The following GSN variants were observed in gnomAD, a reference collection of about 807,000 sequenced individuals.
The protein encoded by GSN is gelsolin.
In GSN, 56 loss-of-function variants were observed where a neutral mutation model predicts 85.7. The observed-to-expected ratio is 0.65, with a 90% CI of 0.53 to 0.82. GSN has a LOEUF of 0.82. GSN is among the 40% of genes least tolerant of loss of function. GSN has a pLI of 0.00. For synonymous variants in GSN, 373 were observed against 399.1 expected (o/e 0.93, Z 0.78); for missense variants, 857 against 979.8 (o/e 0.87, Z 1.67).
Position 121,324,641 on chromosome 9 carries a change from C to G in GSN, c.1413C>G (p.Val471=). The change falls in exon 12 of 18, where the codon GTC becomes GTG. Residue 471 remains valine, a synonymous_variant. Coordinates refer to ENST00000432226, the MANE Select transcript of GSN (RefSeq NM_198252.3). ...ATGAGGAGCTGGGAGGTACCCCTGT[C>G]CAGGTGAGCCCAGCCCACCGCCTCT... ...QLDEELGGTP[V]QSRVVQGKEP... 2 of 1,491,974 alleles carry G rather than the reference C, an allele frequency of 1.3e-6. No individual in the cohort carries two copies. The highest frequency in any genetic ancestry group is 2.0e-5 in the Admixed American group (1 of 50,934). 92.4% of individuals were successfully genotyped at this position (1,491,974 alleles called of 1,614,324 possible).
Position 121,318,770 on chromosome 9 carries a change from A to G in GSN, c.1081A>G (p.Ser361Gly). The G allele has an allele frequency of 6.2e-7, 1 of 1,614,064 alleles. No individual in the cohort carries two copies. The highest frequency in any genetic ancestry group is 1.3e-5 in the African/African-American group (1 of 75,030). The change falls in exon 10 of 18, where the codon AGC becomes GGC. Residue 361 changes from serine to glycine, a missense_variant. Ser to Gly is a moderately conservative substitution (Grantham distance 56). Transcript: ENST00000432226. The surrounding 1 kb of genome is among the most constrained non-coding windows in gnomAD (Gnocchi z 4.3). ...TGGCCTGGGCTTGTCCTACCTTTCC[A>G]GCCATATCGCCAACGTGGAGCGGGT... ...TDGLGLSYLS[S>G]HIANVERVPF...
intron 10 of GSN, among the ~76,000 whole-genome samples, chr9:121,320,326 T>A (rs2062258386): frequency 6.6e-6 from 1 of 152,170 alleles, no homozygotes; most frequent in African/African-American, 2.4e-5. Flanking sequence ...CCTCGTGGTG[T>A]CCCTGCCTCT....
At chr9:121,300,810 G>A (rs2059757987) in intron 2 of GSN, among the ~76,000 whole-genome samples, 1 of 152,174 alleles carries the variant, frequency 6.6e-6, no homozygotes, top group Non-Finnish European at 1.5e-5. Context: ...GACAGCGCAG[G>A]AGGCCACTTG....
intron 5 of GSN, among the ~76,000 whole-genome samples, chr9:121,240,697 G>A (rs1223220172): frequency 6.6e-6 from 1 of 152,206 alleles, no homozygotes; most frequent in Non-Finnish European, 1.5e-5. Flanking sequence ...TCATGGGGTA[G>A]AGGAGGGGCA....
Position 121,318,365 on chromosome 9 carries a change from C to A in GSN, c.887-41C>A. The A allele has an allele frequency of 6.7e-7, 1 of 1,487,736 alleles. No homozygotes were observed. The highest frequency in any genetic ancestry group is 9.4e-7 in the Non-Finnish European group (1 of 1,064,782). 92.2% of individuals were successfully genotyped at this position (1,487,736 alleles called of 1,614,324 possible). On this transcript the variant is annotated intron_variant, in intron 8 of 17. Coordinates refer to ENST00000432226, the MANE Select transcript of GSN (RefSeq NM_198252.3). This position sits in a 1 kb window ranked among gnomAD's most constrained non-coding sequence, Gnocchi z 4.3. The stretch of plus-strand genomic sequence containing the variant: ...TAAAGGTCAGGATGCAGCAGGATCC[C>A]GGGCCTCTAACCCTCCATCACTTCC...
At chr9:121,239,050 A>C in intron 5 of GSN, 1 of 426,824 alleles carries the variant, frequency 2.3e-6, no homozygotes, top group Non-Finnish European at 4.6e-6. Flanking sequence ...AGATGGGTGA[A>C]TGATATCGTT....
chr9:121,262,642 T>C (rs72760279), intron 6 of GSN, among the ~76,000 whole-genome samples: 9,134 of 152,312 alleles, frequency 0.06, 368 homozygotes, highest in South Asian at 0.13. Flanking sequence ...GCTTATGCTG[T>C]TTAGCATCTT....
chr9:121,299,805 A>G lies in GSN; in HGVS notation c.-9-2158A>G. The G allele has an allele frequency of 7.8e-7, 1 of 1,278,816 alleles. No homozygotes were observed. 79.2% of individuals were successfully genotyped at this position (1,278,816 alleles called of 1,614,324 possible). On this transcript the variant is annotated intron_variant, in intron 2 of 17. Coordinates refer to ENST00000432226, the MANE Select transcript of GSN (RefSeq NM_198252.3). This position sits in a 1 kb window ranked among gnomAD's most constrained non-coding sequence, Gnocchi z 4.2. ...GGGCGGGATGGGCGGGCGGCTACTTAAGGTCGGCGACCCGAGGCCGCGGCT... is the reference window on the plus strand; with the variant it reads ...GGGCGGGATGGGCGGGCGGCTACTTGAGGTCGGCGACCCGAGGCCGCGGCT...
intron 1 of GSN, among the ~76,000 whole-genome samples, chr9:121,274,152 A>T (rs948023031): frequency 6.6e-6 from 1 of 152,244 alleles, no homozygotes; most frequent in African/African-American, 2.4e-5. Flanking sequence ...ATCGACAGAT[A>T]AGTCAGATAT....
intron 6 of GSN, among the ~76,000 whole-genome samples, chr9:121,257,945 A>G (rs537789268): frequency 6.6e-6 from 1 of 152,252 alleles, no homozygotes; most frequent in Non-Finnish European, 1.5e-5. Context: ...CAGAAAAAGT[A>G]TAAAGAACAT....
chr9:121,244,579 T>C (rs1235127475), intron 5 of GSN, among the ~76,000 whole-genome samples: 1 of 152,208 alleles, frequency 6.6e-6, no homozygotes, highest in Admixed American at 6.5e-5. Flanking sequence ...CACTTCTAGA[T>C]AGCTATCACA....
At chr9:121,302,878 A>G in intron 3 of GSN, 33 bp from the exon 4 acceptor site, 1 of 1,611,714 alleles carries the variant, frequency 6.2e-7, no homozygotes, top group Non-Finnish European at 8.5e-7. Flanking sequence ...TACTTCTGGA[A>G]AGCCAGGCTC....
intron 3 of GSN, among the ~76,000 whole-genome samples, 189 bp from the exon 4 acceptor site, chr9:121,302,722 G>T (rs1308879531): frequency 6.6e-6 from 1 of 152,160 alleles, no homozygotes; most frequent in Non-Finnish European, 1.5e-5. Context: ...CTGGGAGGAC[G>T]CTTAGAGAAA....
intron 4 of GSN, among the ~76,000 whole-genome samples, chr9:121,224,802 T>G (rs1426863588): frequency 9.0e-6 from 1 of 111,236 alleles, no homozygotes; most frequent in Non-Finnish European, 1.8e-5. Context: ...GGCCAAACAC[T>G]TAAAATAATA....
Position 121,236,062 on chromosome 9 carries a change from C to G in GSN, c.-389+4759C>G, listed in dbSNP as rs145843252. Among the ~76,000 whole-genome samples the G allele has an allele frequency of 2.6e-5, 4 of 152,308 alleles. No individual in the cohort carries two copies. The East Asian group carries it at 7.7e-4, about 29-fold the overall frequency. The stretch of plus-strand genomic sequence containing the variant: ...TCTGAAATCAAGGTGTCCACAGGAC[C>G]ACATTCCCTCTGAAGAGGCAATGGA... On this transcript the variant is annotated intron_variant, in intron 5 of 24. Transcript: ENST00000373823.
At chr9:121,307,794 C>T (rs1204549735) in intron 4 of GSN, among the ~76,000 whole-genome samples, 2 of 152,178 alleles carry the variant, frequency 1.3e-5, no homozygotes, top group East Asian at 3.8e-4. Flanking sequence ...GGCGGTTCTT[C>T]CTCACTTGCT....
chr9:121,216,995 T>C (rs1400468379), intron 4 of GSN, among the ~76,000 whole-genome samples: 1 of 152,240 alleles, frequency 6.6e-6, no homozygotes, highest in Non-Finnish European at 1.5e-5. Context: ...CTTTTTTTAG[T>C]TCTGGGTTTT....
At chr9:121,310,589 C>G in intron 4 of GSN, 95 bp from the exon 5 acceptor site, 1 of 1,220,006 alleles carries the variant, frequency 8.2e-7, no homozygotes, top group Non-Finnish European at 1.2e-6. Context: ...GGTCCACAAG[C>G]CAGAATTTCC....
At chr9:121,235,012 G>A (rs533652979) in intron 5 of GSN, among the ~76,000 whole-genome samples, 185 of 152,264 alleles carry the variant, frequency 1.2e-3, no homozygotes, top group African/African-American at 4.2e-3. Context: ...AGGCGCAGAG[G>A]AAAGGCTGCA....
Sources: allele counts gnomAD v4.1 joint callset (sites outside exome capture counted in the v4.1 genomes callset), GRCh38; gene constraint gnomAD v4.1.1; non-coding constraint Gnocchi (gnomAD v3.1); transcripts MANE v1.5; gene names NCBI Gene and HGNC (gene_info 2026-07-23, HGNC 2026-07-21).